PDE11A: variants seen among roughly 807,000 people sequenced by gnomAD.
PDE11A encodes phosphodiesterase 11A.
PDE11A carries 100 observed loss-of-function variants against 100.5 expected under a neutral mutation model. The observed-to-expected ratio is 1.00, with a 90% CI of 0.85 to 1.18. The LOEUF is 1.18. Ranked by LOEUF, PDE11A falls within the 50% of genes most tolerant of loss-of-function variation. PDE11A has a pLI of 0.00. For synonymous variants in PDE11A, 381 were observed against 420.8 expected (o/e 0.91, Z 1.16); for missense variants, 1,141 against 1,152.6 (o/e 0.99, Z 0.15).
intron 10 of PDE11A, among the ~76,000 whole-genome samples, chr2:177,734,504 CT>C (rs747862177): frequency 2.0e-5 from 3 of 152,026 alleles, no homozygotes; most frequent in Non-Finnish European, 4.4e-5. Context: ...GAAACCCCAT[CT>C]CTTAAAAAAA....
chr2:177,968,112 G>A (rs922457828), intron 2 of PDE11A, among the ~76,000 whole-genome samples: 12 of 152,074 alleles, frequency 7.9e-5, no homozygotes, highest in African/African-American at 1.7e-4. Context: ...TTTATCAGAC[G>A]AGGTGCTAAT....
chr2:177,905,089 T>C lies in PDE11A; in HGVS notation c.1161+9A>G, dbSNP rs770579834. The C allele has an allele frequency of 1.4e-5, 21 of 1,487,682 alleles. No homozygotes were observed. The South Asian group carries it at 2.4e-4, about 17-fold the overall frequency. The allele number at this position is 1,487,682 out of a possible 1,614,324, so 92.2% of individuals were successfully genotyped here. A position where few individuals can be genotyped will look rare whatever the true frequency, so the allele number is the denominator to read the frequency against. ...TTGAGGAGTGTCAACAATGTTTTTA[T>C]TTACTCACTCTGCTTCTTTCATATT... is the stretch of plus-strand genomic sequence containing the variant. On this transcript the variant is annotated intron_variant, in intron 3 of 19. Transcript: ENST00000286063.
intron 2 of PDE11A, among the ~76,000 whole-genome samples, chr2:177,922,328 A>C (rs1471965198): frequency 4.6e-5 from 7 of 152,146 alleles, no homozygotes; most frequent in African/African-American, 1.7e-4. Context: ...ACTCATAATT[A>C]AACACCCTCT....
At position 177,727,751 on chromosome 2, in the gene PDE11A, C is replaced by G; in HGVS notation, c.1950G>C (p.Trp650Cys). The G allele has an allele frequency of 6.3e-7, 1 of 1,599,938 alleles. No homozygotes were observed. The highest frequency in any genetic ancestry group is 8.6e-7 in the Non-Finnish European group (1 of 1,167,216). Residue 650 changes from tryptophan to cysteine, a missense_variant, in exon 12 of 20, where the codon TGG (tryptophan) becomes TGC (cysteine). Coordinates refer to ENST00000286063, the MANE Select transcript of PDE11A (RefSeq NM_016953.4). The stretch of plus-strand genomic sequence containing the variant: ...GATAGTTTTTCCTCACTGTCAAAAG[C>G]CACCTACACAGTGTCTGAAATGGGA... Reference protein sequence around the residue: ...FKIDYETLCRWLLTVRKNYRM... With the variant: ...FKIDYETLCRCLLTVRKNYRM...
At chr2:177,899,552 CTT>C (rs1420256604) in intron 3 of PDE11A, 2 of 324,314 alleles carry the variant, frequency 6.2e-6, no homozygotes, top group Non-Finnish European at 1.3e-5. Flanking sequence ...CTTGGTCAAA[CTT>C]GAGACATTTT....
chr2:177,966,916 T>C (rs1463339167), intron 2 of PDE11A, among the ~76,000 whole-genome samples: 1 of 152,156 alleles, frequency 6.6e-6, no homozygotes, highest in Non-Finnish European at 1.5e-5. Context: ...TGGAATAGTT[T>C]CATAGAATTG....
intron 6 of PDE11A, 110 bp downstream of exon 6, chr2:177,840,140 CA>C: frequency 8.9e-7 from 1 of 1,123,616 alleles, no homozygotes; most frequent in African/African-American, 1.5e-5. Flanking sequence ...AATAAGATCA[CA>C]GGGGAAGGAT....
chr2:177,725,712 C>A (rs2081590493), intron 12 of PDE11A, among the ~76,000 whole-genome samples: 2 of 152,108 alleles, frequency 1.3e-5, no homozygotes. Context: ...TGGAAAGGAT[C>A]AAAATTGCCC....
chr2:178,029,968 C>A (rs2086524369), intron 1 of PDE11A, among the ~76,000 whole-genome samples: 1 of 152,160 alleles, frequency 6.6e-6, no homozygotes, highest in African/African-American at 2.4e-5. Flanking sequence ...AGCAAGAAGG[C>A]CCTCACCAGA....
At chr2:177,921,161 C>A (rs1054208503) in intron 2 of PDE11A, among the ~76,000 whole-genome samples, 4 of 150,410 alleles carry the variant, frequency 2.7e-5, no homozygotes, top group Non-Finnish European at 5.9e-5. Context: ...TGACAATATC[C>A]CAAACATCGC....
At chr2:177,809,781 T>C (rs1254273833) in intron 9 of PDE11A, among the ~76,000 whole-genome samples, 1 of 152,090 alleles carries the variant, frequency 6.6e-6, no homozygotes, top group Non-Finnish European at 1.5e-5. Context: ...AGTGGTGGAA[T>C]GGTACTAGAC....
intron 18 of PDE11A, among the ~76,000 whole-genome samples, chr2:177,668,388 G>A (rs1414822905): frequency 6.6e-6 from 1 of 152,162 alleles, no homozygotes; most frequent in African/African-American, 2.4e-5. Context: ...TTAACTGTAT[G>A]TATCCCAAGC....
intron 5 of PDE11A, among the ~76,000 whole-genome samples, chr2:177,851,607 A>G (rs1460029842): frequency 6.6e-6 from 1 of 152,220 alleles, no homozygotes; most frequent in East Asian, 1.9e-4. Context: ...CGCTTAGGAT[A>G]CACGGTGGAA....
At chr2:177,766,294 A>G (rs1394108602) in intron 10 of PDE11A, among the ~76,000 whole-genome samples, 1 of 152,182 alleles carries the variant, frequency 6.6e-6, no homozygotes. Flanking sequence ...ATCTAATGCC[A>G]CTGCTGATCT....
At chr2:177,677,739 G>C (rs890025627) in intron 16 of PDE11A, 5 of 152,168 alleles carry the variant, frequency 3.3e-5, no homozygotes, top group African/African-American at 1.2e-4. Flanking sequence ...CAAATGAGCA[G>C]TTCTATGTTA....
chr2:177,670,673 T>C (rs2080665152), intron 17 of PDE11A, among the ~76,000 whole-genome samples: 1 of 152,230 alleles, frequency 6.6e-6, no homozygotes, highest in Non-Finnish European at 1.5e-5. Flanking sequence ...TTTGGTCAAG[T>C]GCACAGTATC....
chr2:177,661,174 T>C (rs181259405), intron 19 of PDE11A, among the ~76,000 whole-genome samples: 1 of 152,342 alleles, frequency 6.6e-6, no homozygotes, highest in Admixed American at 6.5e-5. Flanking sequence ...GTCTCATGTG[T>C]ACTCCTCGGT....
chr2:177,681,037 A>G, intron 15 of PDE11A, 134 bp from the exon 16 acceptor site: 1 of 644,576 alleles, frequency 1.6e-6, no homozygotes, highest in South Asian at 1.8e-5. Flanking sequence ...ATTTGAAATC[A>G]TGAGGCTAAA....
At chr2:177,944,621 C>T (rs2085381795) in intron 2 of PDE11A, among the ~76,000 whole-genome samples, 2 of 152,212 alleles carry the variant, frequency 1.3e-5, no homozygotes, top group African/African-American at 2.4e-5. Context: ...TACACAATCA[C>T]TTCTATAAAT....
Sources: allele counts gnomAD v4.1 joint callset (sites outside exome capture counted in the v4.1 genomes callset), GRCh38; gene constraint gnomAD v4.1.1; transcripts MANE v1.5; gene names NCBI Gene and HGNC (gene_info 2026-07-23, HGNC 2026-07-21).